Variants in DNAH7 observed in about 807,000 individuals in gnomAD.
DNAH7 encodes axonemal beta dynein heavy chain 7.
Under a neutral mutation model 444.6 loss-of-function variants are expected in DNAH7, and 397 were observed. The observed-to-expected ratio is 0.89, with a 90% confidence interval of 0.82 to 0.97. The LOEUF is 0.97. DNAH7 is among the 50% of genes least tolerant of loss of function. The pLI is 0.00. For synonymous variants in DNAH7, 1,636 were observed against 1,624.4 expected, an observed-to-expected ratio of 1.01 and a Z score of -0.17; for missense variants, 4,902 against 4,800.8, an observed-to-expected ratio of 1.02 and a Z score of -0.62.
At chr2:195,906,088 G>GA (rs947697133) in intron 27 of DNAH7, among the ~76,000 whole-genome samples, 4 of 151,800 alleles carry the variant, frequency 2.6e-5, no homozygotes, top group Non-Finnish European at 5.9e-5. Context: ...ATATTAACGT[G>GA]AAAAAAACCC....
intron 33 of DNAH7, 74 bp downstream of exon 33, chr2:195,888,184 C>T: frequency 8.2e-7 from 1 of 1,222,386 alleles, no homozygotes; most frequent in South Asian, 1.5e-5. Flanking sequence ...TAAAAACAGA[C>T]ATTAAAATTG....
At chr2:195,866,415 G>A (rs761774897) in intron 40 of DNAH7, among the ~76,000 whole-genome samples, 12 of 151,660 alleles carry the variant, frequency 7.9e-5, no homozygotes, top group Admixed American at 2.6e-4. Flanking sequence ...ATTCCAACCA[G>A]TTCAAAAGTT....
At chr2:195,814,731 C>T (rs1697142820) in intron 51 of DNAH7, among the ~76,000 whole-genome samples, 1 of 151,946 alleles carries the variant, frequency 6.6e-6, no homozygotes. Flanking sequence ...GTCGTAACTA[C>T]TGGGAATAAT....
intron 57 of DNAH7, 38 bp downstream of exon 57, chr2:195,794,300 T>C (rs1428451036): frequency 6.2e-7 from 1 of 1,608,622 alleles, no homozygotes; most frequent in South Asian, 1.1e-5. Context: ...TTGAAGTGCT[T>C]TACAGGGCCG....
chr2:195,865,622 C>T (rs1029682280), intron 40 of DNAH7, among the ~76,000 whole-genome samples: 2 of 152,044 alleles, frequency 1.3e-5, no homozygotes, highest in Non-Finnish European at 2.9e-5. Context: ...TATGGGACTG[C>T]AAGAAACATC....
intron 49 of DNAH7, among the ~76,000 whole-genome samples, chr2:195,822,287 G>A (rs1365207843): frequency 6.6e-6 from 1 of 152,098 alleles, no homozygotes; most frequent in African/African-American, 2.4e-5. Context: ...TGCATGTTTT[G>A]CAACTTTTAC....
intron 12 of DNAH7, among the ~76,000 whole-genome samples, chr2:195,991,229 G>A (rs76638893): frequency 0.032 from 4,901 of 151,882 alleles, 127 homozygotes; most frequent in Middle Eastern, 0.058. Flanking sequence ...CCAATTTTGG[G>A]AGAAATATTT....
chr2:195,972,069 T>C (rs1217228828), intron 16 of DNAH7, among the ~76,000 whole-genome samples, 173 bp downstream of exon 16: 1 of 152,144 alleles, frequency 6.6e-6, no homozygotes, highest in Non-Finnish European at 1.5e-5. Flanking sequence ...ATAAGCATTA[T>C]AAAAGATCCA....
chr2:195,819,879 G>A (rs1029526426), intron 49 of DNAH7, among the ~76,000 whole-genome samples: 1 of 152,220 alleles, frequency 6.6e-6, no homozygotes, highest in Non-Finnish European at 1.5e-5. Flanking sequence ...TGGGTCTTAT[G>A]TCCAGAGAGT....
At chr2:195,877,484 T>C (rs1701128244) in intron 36 of DNAH7, among the ~76,000 whole-genome samples, 1 of 152,244 alleles carries the variant, frequency 6.6e-6, no homozygotes, top group Non-Finnish European at 1.5e-5. Flanking sequence ...TATTAAATTA[T>C]TAACCCAAAA....
intron 59 of DNAH7, among the ~76,000 whole-genome samples, chr2:195,776,214 C>T (rs570496898): frequency 9.9e-5 from 15 of 152,168 alleles, no homozygotes; most frequent in Non-Finnish European, 1.5e-4. Context: ...GAGGCCGAGG[C>T]GGGTGGATTA....
chr2:195,812,360 G>T (rs573392516), intron 51 of DNAH7, among the ~76,000 whole-genome samples: 1 of 151,988 alleles, frequency 6.6e-6, no homozygotes, highest in Admixed American at 6.6e-5. Flanking sequence ...TTCTATGGGC[G>T]GCAGACAGGA....
chr2:196,005,269 A>T (rs982409802), intron 10 of DNAH7, among the ~76,000 whole-genome samples: 1 of 150,758 alleles, frequency 6.6e-6, no homozygotes, highest in East Asian at 1.9e-4. Flanking sequence ...GCAAGACTCC[A>T]TCTCCAAAAC....
chr2:195,766,779 T>A (rs1363964710), intron 61 of DNAH7, among the ~76,000 whole-genome samples: 5 of 152,196 alleles, frequency 3.3e-5, no homozygotes, highest in Non-Finnish European at 7.4e-5. Context: ...TATGCCTGTA[T>A]GAGAATATCT....
chr2:195,886,846 C>T (rs140505448), intron 33 of DNAH7, among the ~76,000 whole-genome samples: 97 of 152,176 alleles, frequency 6.4e-4, no homozygotes, highest in African/African-American at 2.2e-3. Flanking sequence ...TTCTCATAGG[C>T]GTTTGTCTTC....
At chr2:195,813,262 G>A (rs1206372607) in intron 51 of DNAH7, among the ~76,000 whole-genome samples, 1 of 152,150 alleles carries the variant, frequency 6.6e-6, no homozygotes, top group African/African-American at 2.4e-5. Context: ...AATTCTTTAT[G>A]TTGAAAATAA....
At chr2:195,786,202 T>G (rs954033026) in intron 58 of DNAH7, among the ~76,000 whole-genome samples, 3 of 152,210 alleles carry the variant, frequency 2.0e-5, no homozygotes, top group Non-Finnish European at 2.9e-5. Context: ...GTAAGCCTCT[T>G]TAAAAAGTCA....
chr2:195,899,913 A>G (rs530040579), intron 28 of DNAH7, among the ~76,000 whole-genome samples: 136 of 152,322 alleles, frequency 8.9e-4, no homozygotes, highest in African/African-American at 3.1e-3. Flanking sequence ...TTGTGTAATT[A>G]TAATAAGTGA....
At position 195,960,260 on chromosome 2, in the gene DNAH7, C is replaced by T. The variant is rs1267688793; in HGVS notation, c.2891G>A (p.Arg964Lys). 3 of 1,596,400 alleles carry T rather than the reference C, an allele frequency of 1.9e-6. No individual in the cohort carries two copies. The highest frequency in any genetic ancestry group is 2.2e-5 in the East Asian group (1 of 44,696). Residue 964 changes from arginine (R) to lysine (K), a missense_variant and splice_region_variant, in exon 18 of 65, where the codon AGA becomes AAA. Physicochemically the swap from Arg to Lys is conservative, Grantham distance 26. Coordinates refer to ENST00000312428, the MANE Select transcript of DNAH7 (RefSeq NM_018897.3). The part of the protein sequence containing the change: ...PFIKPYEKQM[R>K]EWEGKLLLLQ... The stretch of plus-strand genomic sequence containing the variant: ...CATTGCCATATAAATATCACTTTAC[C>T]TCATTTGTTTTTCATAAGGCTTAAT...
Sources: allele counts gnomAD v4.1 joint callset (sites outside exome capture counted in the v4.1 genomes callset), GRCh38; gene constraint gnomAD v4.1.1; transcripts MANE v1.5; gene names NCBI Gene and HGNC (gene_info 2026-07-23, HGNC 2026-07-21).